SLC35F1: variants seen among roughly 807,000 people sequenced by gnomAD.
The protein encoded by SLC35F1 is solute carrier family 35 member F1.
In SLC35F1, 14 loss-of-function variants were observed where a neutral mutation model predicts 48.7. That is an observed-to-expected ratio of 0.29 (90% confidence interval 0.19 to 0.45). The LOEUF (loss-of-function observed/expected upper bound fraction) is 0.45. Among genes scored for constraint, SLC35F1 ranks in the 20% least tolerant of loss-of-function variants. The pLI, the probability that SLC35F1 is intolerant of heterozygous loss-of-function variation, is 1.00. For synonymous variants in SLC35F1, 190 were observed against 202.2 expected (o/e 0.94, Z 0.51); for missense variants, 404 against 500.0 (o/e 0.81, Z 1.83).
chr6:118,131,944 A>AT (rs542840460), intron 1 of SLC35F1, among the ~76,000 whole-genome samples: 148 of 152,244 alleles, frequency 9.7e-4, no homozygotes, highest in African/African-American at 3.5e-3. Flanking sequence ...ACCACATAAT[A>AT]TTTTTAAGTC....
At chr6:118,235,229 C>A (rs1202461603) in intron 2 of SLC35F1, among the ~76,000 whole-genome samples, 1 of 151,846 alleles carries the variant, frequency 6.6e-6, no homozygotes, top group African/African-American at 2.4e-5. Context: ...TTATGTTATC[C>A]TTCATTTATT....
At chr6:117,929,573 T>G (rs1483429652) in intron 1 of SLC35F1, among the ~76,000 whole-genome samples, 1 of 151,798 alleles carries the variant, frequency 6.6e-6, no homozygotes, top group Non-Finnish European at 1.5e-5. Flanking sequence ...GTCTCAAATT[T>G]GTAGGGCAAG....
chr6:117,939,646 G>T (rs552510874), intron 1 of SLC35F1, among the ~76,000 whole-genome samples: 22 of 152,292 alleles, frequency 1.4e-4, no homozygotes, highest in African/African-American at 5.3e-4. Context: ...AGGACCTAAA[G>T]GGAATAAACC....
At chr6:117,966,969 C>T (rs1292461477) in intron 1 of SLC35F1, among the ~76,000 whole-genome samples, 1 of 152,170 alleles carries the variant, frequency 6.6e-6, no homozygotes, top group Non-Finnish European at 1.5e-5. Context: ...TGATACTTCT[C>T]TTTAGAAACT....
At chr6:117,946,154 C>T (rs1412314615) in intron 1 of SLC35F1, among the ~76,000 whole-genome samples, 1 of 152,128 alleles carries the variant, frequency 6.6e-6, no homozygotes. Context: ...ACCTAGCTTC[C>T]AAGTCCTGAC....
intron 1 of SLC35F1, among the ~76,000 whole-genome samples, chr6:118,085,984 T>C (rs368828684): frequency 1.3e-5 from 2 of 152,170 alleles, no homozygotes. Context: ...GAGTCACTGA[T>C]GAAACTCCAA....
chr6:118,213,401 T>C (rs1242326731), intron 2 of SLC35F1, among the ~76,000 whole-genome samples: 1 of 152,208 alleles, frequency 6.6e-6, no homozygotes, highest in Non-Finnish European at 1.5e-5. Context: ...TACACAGTGC[T>C]GGTGGAGTAT....
intron 2 of SLC35F1, among the ~76,000 whole-genome samples, chr6:118,234,779 C>T (rs2114582436): frequency 6.6e-6 from 1 of 152,168 alleles, no homozygotes; most frequent in Non-Finnish European, 1.5e-5. Flanking sequence ...TGTTCCTGAT[C>T]ATGATTGCCC....
intron 3 of SLC35F1, 140 bp from the exon 4 acceptor site, chr6:118,266,855 A>G (rs999750839): frequency 1.6e-5 from 13 of 814,916 alleles, no homozygotes; most frequent in Non-Finnish European, 2.6e-5. Context: ...TTTTAAGTAC[A>G]TCAAGTCTGG....
At chr6:118,195,909 C>T (rs1562321843) in intron 2 of SLC35F1, among the ~76,000 whole-genome samples, 1 of 152,110 alleles carries the variant, frequency 6.6e-6, no homozygotes, top group East Asian at 1.9e-4. Flanking sequence ...CTCCTGGGGT[C>T]GTTAAAGCTC....
chr6:118,307,336 G>T (rs1476090390), intron 7 of SLC35F1, among the ~76,000 whole-genome samples: 2 of 152,188 alleles, frequency 1.3e-5, no homozygotes, highest in African/African-American at 4.8e-5. Context: ...ACTGATTTTG[G>T]TATTTGTCAG....
intron 3 of SLC35F1, among the ~76,000 whole-genome samples, chr6:118,263,411 G>A (rs1009113441): frequency 6.6e-6 from 1 of 152,082 alleles, no homozygotes; most frequent in African/African-American, 2.4e-5. Flanking sequence ...TGTTGCCTAA[G>A]GATTCAAGGC....
intron 1 of SLC35F1, among the ~76,000 whole-genome samples, chr6:118,076,101 C>T (rs966211769): frequency 4.6e-5 from 7 of 152,080 alleles, no homozygotes; most frequent in African/African-American, 9.7e-5. Context: ...GATAATTGCT[C>T]GTGTATTGTG....
intron 2 of SLC35F1, among the ~76,000 whole-genome samples, chr6:118,192,679 C>A (rs1390999554): frequency 6.6e-6 from 1 of 152,208 alleles, no homozygotes; most frequent in Non-Finnish European, 1.5e-5. Flanking sequence ...AAATCCCATA[C>A]AATTTTGGAA....
chr6:118,266,971 G>A, intron 3 of SLC35F1, 24 bp from the exon 4 acceptor site: 1 of 1,612,064 alleles, frequency 6.2e-7, no homozygotes, highest in Non-Finnish European at 8.5e-7. Flanking sequence ...TCCTGTTGTT[G>A]TTTACCTTCA....
intron 1 of SLC35F1, among the ~76,000 whole-genome samples, chr6:118,075,297 C>T (rs1414308381): frequency 6.6e-6 from 1 of 152,166 alleles, no homozygotes; most frequent in Non-Finnish European, 1.5e-5. Context: ...TGTCACTGTA[C>T]ATTAATGATG....
intron 7 of SLC35F1, among the ~76,000 whole-genome samples, chr6:118,302,412 C>A (rs1421463658): frequency 2.0e-5 from 3 of 152,082 alleles, no homozygotes; most frequent in Admixed American, 2.0e-4. Flanking sequence ...TAACTTTTCC[C>A]AGAATCATAT....
intron 1 of SLC35F1, among the ~76,000 whole-genome samples, chr6:118,093,099 T>C (rs972549209): frequency 6.6e-6 from 1 of 152,014 alleles, no homozygotes. Context: ...GGGTGGATCA[T>C]GAGGTCAGTG....
intron 1 of SLC35F1, among the ~76,000 whole-genome samples, chr6:118,094,274 C>T (rs935731528): frequency 2.6e-5 from 4 of 152,088 alleles, no homozygotes; most frequent in African/African-American, 7.2e-5. Flanking sequence ...TCCATTGAAA[C>T]ATTAGAGAAA....
Sources: allele counts gnomAD v4.1 joint callset (sites outside exome capture counted in the v4.1 genomes callset), GRCh38; gene constraint gnomAD v4.1.1; transcripts MANE v1.5; gene names NCBI Gene and HGNC (gene_info 2026-07-23, HGNC 2026-07-21).